The following PAIP2 variants were observed in gnomAD, a reference collection of about 807,000 sequenced individuals.
The protein encoded by PAIP2 is polyadenylate-binding protein-interacting protein 2.
A neutral mutation model predicts 14.8 loss-of-function variants in PAIP2; 7 were observed. That is an observed-to-expected ratio of 0.47 (90% CI 0.27 to 0.89). The LOEUF (loss-of-function observed/expected upper bound fraction) is 0.89, where lower values mean the gene tolerates loss of function less well. Among genes scored for constraint, PAIP2 ranks in the 40% least tolerant of loss-of-function variants. The probability of loss-of-function intolerance (pLI) is 0.13; values close to 1 mark genes in which losing one functional copy is unlikely to be tolerated. For missense variants in PAIP2, 122 were observed against 154.7 expected, an observed-to-expected ratio of 0.79 and a Z score of 1.12; for synonymous variants, 47 against 45.3, an observed-to-expected ratio of 1.04 and a Z score of -0.15.
chr5:139,363,336 A>G (rs944666788), intron 1 of PAIP2, among the ~76,000 whole-genome samples: 1 of 152,184 alleles, frequency 6.6e-6, no homozygotes, highest in Non-Finnish European at 1.5e-5. Context: ...AAGCTTTCCA[A>G]TTATTCAACT....
At chr5:139,358,177 C>T (rs1489002568) in intron 1 of PAIP2, among the ~76,000 whole-genome samples, 1 of 152,192 alleles carries the variant, frequency 6.6e-6, no homozygotes, top group Non-Finnish European at 1.5e-5. Context: ...ACTTGAATTT[C>T]AGCTCCACTG....
At chr5:139,357,129 C>G (rs1756940268) in intron 1 of PAIP2, among the ~76,000 whole-genome samples, 1 of 152,130 alleles carries the variant, frequency 6.6e-6, no homozygotes, top group Non-Finnish European at 1.5e-5. Context: ...AAAAACAACT[C>G]CCCTAGTCTT....
At chr5:139,358,632 G>A (rs1245413483) in intron 1 of PAIP2, among the ~76,000 whole-genome samples, 1 of 152,134 alleles carries the variant, frequency 6.6e-6, no homozygotes, top group Non-Finnish European at 1.5e-5. Flanking sequence ...ATTAATCAGA[G>A]TAGATAAAAT....
chr5:139,365,679 A>G (rs1196343659), intron 3 of PAIP2, among the ~76,000 whole-genome samples: 3 of 151,228 alleles, frequency 2.0e-5, no homozygotes, highest in Non-Finnish European at 2.9e-5. Flanking sequence ...AAAAAAAAGG[A>G]AAAAGGAATT....
chr5:139,363,975 A>T (rs1028788283), intron 2 of PAIP2, 53 bp downstream of exon 2: 5 of 1,478,790 alleles, frequency 3.4e-6, no homozygotes, highest in Non-Finnish European at 4.7e-6. Flanking sequence ...CCTCAATATG[A>T]TTGTACTTGT....
At chr5:139,365,811 C>T (rs1757217760) in intron 3 of PAIP2, among the ~76,000 whole-genome samples, 1 of 152,172 alleles carries the variant, frequency 6.6e-6, no homozygotes, top group South Asian at 2.1e-4. Context: ...CCCTAGGGTA[C>T]TTAAATGTCC....
chr5:139,364,507 C>A, intron 2 of PAIP2, 57 bp from the exon 3 acceptor site: 1 of 1,012,588 alleles, frequency 9.9e-7, no homozygotes, highest in Non-Finnish European at 1.5e-6. Context: ...ATATTTTAAG[C>A]CATTCCTAGT....
At chr5:139,351,278 A>C (rs918809031) in intron 1 of PAIP2, among the ~76,000 whole-genome samples, 2 of 152,134 alleles carry the variant, frequency 1.3e-5, no homozygotes, top group Non-Finnish European at 2.9e-5. Context: ...ACTTACAGGA[A>C]TATATCCTAT....
At chr5:139,360,683 A>AGGCTGGTCTCG in intron 1 of PAIP2, among the ~76,000 whole-genome samples, 1 of 151,714 alleles carries the variant, frequency 6.6e-6, no homozygotes, top group African/African-American at 2.4e-5. Flanking sequence ...GGCTAGTATC[A>AGGCTGGTCTCG]AACTCCTGGG....
At chr5:139,363,702 CAGAA>C (rs1757138380) in intron 1 of PAIP2, 53 bp from the exon 2 acceptor site, 5 of 1,498,054 alleles carry the variant, frequency 3.3e-6, no homozygotes, top group South Asian at 2.5e-5. Flanking sequence ...AACCTTGTCT[CAGAA>C]AGAAAAAACC....
intron 3 of PAIP2, chr5:139,365,016 T>A (rs1348200704): frequency 1.5e-5 from 3 of 204,894 alleles, no homozygotes; most frequent in Admixed American, 1.2e-4. Flanking sequence ...TGGTAGCACA[T>A]GCCTGTGATC....
chr5:139,342,759 C>T (rs1039394178), intron 1 of PAIP2: 3 of 152,190 alleles, frequency 2.0e-5, no homozygotes, highest in Admixed American at 1.3e-4. Context: ...GAACTTAGGT[C>T]TTCAAAACAT....
intron 1 of PAIP2, among the ~76,000 whole-genome samples, chr5:139,359,785 CGTG>C (rs1757016054): frequency 6.6e-6 from 1 of 151,246 alleles, no homozygotes; most frequent in African/African-American, 2.4e-5. Flanking sequence ...GCCGGGCCAA[CGTG>C]GTGAAACCCT....
At chr5:139,366,255 A>G (rs958324232) in intron 3 of PAIP2, among the ~76,000 whole-genome samples, 2 of 151,880 alleles carry the variant, frequency 1.3e-5, no homozygotes, top group Non-Finnish European at 2.9e-5. Context: ...ATAACTAAAC[A>G]TCAGCACTAG....
chr5:139,355,167 T>TC lies in PAIP2; in HGVS notation c.-26-8592_-26-8591insC, dbSNP rs70982773. Among the ~76,000 whole-genome samples, 128 of 17,856 alleles carry TC rather than the reference T, an allele frequency of 7.2e-3. 1 individual carries two copies. In the South Asian group the frequency reaches 0.099, roughly 14 times the overall value. The allele number at this position is 17,856 out of a possible 152,430, so 11.7% of individuals were successfully genotyped here. On this transcript the variant is annotated intron_variant, in intron 1 of 3. Coordinates refer to ENST00000265192, the MANE Select transcript of PAIP2 (RefSeq NM_016480.5). ...TCCAAAATTTCTATTTGTCTCTCTC[T>TC]TTTTTTTTTTTTTTTTTGGAGACAG...
At chr5:139,350,855 TCAGA>T (rs1362788295) in intron 1 of PAIP2, among the ~76,000 whole-genome samples, 1 of 152,102 alleles carries the variant, frequency 6.6e-6, no homozygotes, top group Admixed American at 6.6e-5. Context: ...CAGAATAGAT[TCAGA>T]CAAATGGGAA....
intron 1 of PAIP2, chr5:139,342,344 A>G (rs1581280802): frequency 6.7e-6 from 1 of 149,980 alleles, no homozygotes; most frequent in Non-Finnish European, 1.5e-5. Context: ...CCCCCCTCCC[A>G]CCGCCTCGGC....
intron 1 of PAIP2, among the ~76,000 whole-genome samples, chr5:139,345,807 T>C (rs1756527349): frequency 6.6e-6 from 1 of 151,852 alleles, no homozygotes. Context: ...TTTTGTATTT[T>C]TAGGAGAGAT....
intron 1 of PAIP2, among the ~76,000 whole-genome samples, chr5:139,347,769 T>C (rs1756598124): frequency 6.6e-6 from 1 of 150,582 alleles, no homozygotes; most frequent in Non-Finnish European, 1.5e-5. Flanking sequence ...CTGTGGTACA[T>C]CCATAAAAAA....
Sources: allele counts gnomAD v4.1 joint callset (sites outside exome capture counted in the v4.1 genomes callset), GRCh38; gene constraint gnomAD v4.1.1; transcripts MANE v1.5; gene names NCBI Gene and HGNC (gene_info 2026-07-23, HGNC 2026-07-21).